SHTN1: variants seen among roughly 807,000 people sequenced by gnomAD.
SHTN1 encodes the protein shootin 1.
SHTN1 carries 42 observed loss-of-function variants against 83.1 expected under a neutral mutation model. That is an observed-to-expected ratio of 0.51 (90% CI 0.39 to 0.65). The LOEUF (loss-of-function observed/expected upper bound fraction) is 0.65, where lower values mean the gene tolerates loss of function less well. Among genes scored for constraint, SHTN1 ranks in the 30% least tolerant of loss-of-function variants. SHTN1 has a pLI of 0.00. For synonymous variants in SHTN1, 224 were observed against 247.7 expected, an observed-to-expected ratio of 0.90 and a Z score of 0.90; for missense variants, 622 against 737.8, an observed-to-expected ratio of 0.84 and a Z score of 1.82.
chr10:117,117,931 T>C (rs1003761540), intron 1 of SHTN1, among the ~76,000 whole-genome samples: 6 of 152,220 alleles, frequency 3.9e-5, no homozygotes, highest in Admixed American at 3.9e-4. Context: ...CCTGAAACTA[T>C]TAAACTACCA....
intron 1 of SHTN1, among the ~76,000 whole-genome samples, chr10:117,124,598 C>T (rs1353778648): frequency 1.3e-5 from 2 of 152,052 alleles, no homozygotes; most frequent in Non-Finnish European, 2.9e-5. Flanking sequence ...CGTGGTGAAA[C>T]CCCATCTCTA....
At chr10:116,977,238 CTTACA>C (rs985483515) in intron 2 of SHTN1, among the ~76,000 whole-genome samples, 1 of 152,180 alleles carries the variant, frequency 6.6e-6, no homozygotes, top group Non-Finnish European at 1.5e-5. Flanking sequence ...TCTACTTCCT[CTTACA>C]TTATTCATTT....
intron 12 of SHTN1, 61 bp downstream of exon 12, chr10:116,921,373 A>G: frequency 1.7e-6 from 2 of 1,184,642 alleles, no homozygotes; most frequent in Non-Finnish European, 2.5e-6. Flanking sequence ...CTTAACAAAT[A>G]TGTGAATTGC....
At chr10:116,954,899 A>T (rs1429029342) in intron 4 of SHTN1, among the ~76,000 whole-genome samples, 1 of 152,136 alleles carries the variant, frequency 6.6e-6, no homozygotes, top group Non-Finnish European at 1.5e-5. Context: ...GTGTAGAGAA[A>T]GGAAGAGAAA....
intron 1 of SHTN1, among the ~76,000 whole-genome samples, chr10:117,109,099 A>G (rs1853721711): frequency 6.6e-6 from 1 of 152,240 alleles, no homozygotes; most frequent in Non-Finnish European, 1.5e-5. Flanking sequence ...TCTACGTTAT[A>G]GCAACTTGTT....
chr10:117,072,769 G>A (rs1853102479), intron 1 of SHTN1, among the ~76,000 whole-genome samples: 1 of 152,100 alleles, frequency 6.6e-6, no homozygotes, highest in Non-Finnish European at 1.5e-5. Flanking sequence ...GAAGAAACCA[G>A]AAAACCAACT....
At chr10:116,902,972 T>C (rs1488023726) in intron 15 of SHTN1, among the ~76,000 whole-genome samples, 1 of 152,222 alleles carries the variant, frequency 6.6e-6, no homozygotes, top group African/African-American at 2.4e-5. Flanking sequence ...TTGGATTTAA[T>C]GTGCCTGATA....
chr10:116,906,569 TAGA>T (rs1365445814), intron 15 of SHTN1, 55 bp downstream of exon 15: 65 of 1,510,546 alleles, frequency 4.3e-5, no homozygotes, highest in Admixed American at 6.7e-5. Context: ...AAAAGAGACT[TAGA>T]AGAAGATGTT....
At chr10:117,036,985 A>G (rs1458094945) in intron 2 of SHTN1, among the ~76,000 whole-genome samples, 2 of 152,244 alleles carry the variant, frequency 1.3e-5, no homozygotes, top group Non-Finnish European at 1.5e-5. Flanking sequence ...TTGTTTGCAG[A>G]TGACATGATT....
At chr10:116,969,003 C>A (rs955771808) in intron 2 of SHTN1, among the ~76,000 whole-genome samples, 1 of 152,196 alleles carries the variant, frequency 6.6e-6, no homozygotes, top group African/African-American at 2.4e-5. Flanking sequence ...AAAATATATT[C>A]ATTCTTTAAG....
At chr10:117,097,994 T>C (rs759292674) in intron 1 of SHTN1, among the ~76,000 whole-genome samples, 29 of 151,760 alleles carry the variant, frequency 1.9e-4, no homozygotes, top group Admixed American at 3.3e-4. Context: ...GTGGAGTGGA[T>C]AGTCCCCAGA....
intron 2 of SHTN1, among the ~76,000 whole-genome samples, chr10:117,012,171 A>C (rs545321462): frequency 4.6e-5 from 7 of 151,704 alleles, no homozygotes; most frequent in Non-Finnish European, 8.8e-5. Flanking sequence ...AGGAAAAAAA[A>C]CCCTCAATAT....
At chr10:117,029,894 C>CT (rs34426369) in intron 2 of SHTN1, among the ~76,000 whole-genome samples, 5 of 113,372 alleles carry the variant, frequency 4.4e-5, no homozygotes, top group South Asian at 3.0e-4. Context: ...CTCTCTCTTT[C>CT]TTTTTTTTTT....
chr10:117,035,827 AT>A (rs754559425), intron 2 of SHTN1, among the ~76,000 whole-genome samples: 1 of 142,188 alleles, frequency 7.0e-6, no homozygotes, highest in Admixed American at 7.3e-5. Flanking sequence ...ATGCCTGTAA[AT>A]CCCAGCTACT....
chr10:116,970,747 A>T (rs1405152168), intron 2 of SHTN1, among the ~76,000 whole-genome samples: 1 of 151,826 alleles, frequency 6.6e-6, no homozygotes, highest in Admixed American at 6.6e-5. Context: ...ATGTTAAATG[A>T]GTTGCAGAAG....
At chr10:116,929,264 C>T (rs193059430) in intron 10 of SHTN1, among the ~76,000 whole-genome samples, 5 of 152,270 alleles carry the variant, frequency 3.3e-5, no homozygotes, top group South Asian at 2.1e-4. Flanking sequence ...TAATCTAACT[C>T]GCACATTCCC....
intron 1 of SHTN1, among the ~76,000 whole-genome samples, chr10:117,087,677 A>C (rs1853370121): frequency 6.6e-6 from 1 of 152,250 alleles, no homozygotes; most frequent in Non-Finnish European, 1.5e-5. Context: ...AATATGAGTC[A>C]AAACATAATG....
At chr10:117,043,490 G>T (rs1852616345) in intron 2 of SHTN1, among the ~76,000 whole-genome samples, 1 of 152,116 alleles carries the variant, frequency 6.6e-6, no homozygotes, top group Non-Finnish European at 1.5e-5. Flanking sequence ...TGATTAAAAT[G>T]GTAAACTTTG....
chr10:117,075,024 CTAAAA>C (rs747005372), intron 1 of SHTN1, among the ~76,000 whole-genome samples: 27 of 152,014 alleles, frequency 1.8e-4, no homozygotes, highest in East Asian at 7.7e-4. Flanking sequence ...TTTGCATTTC[CTAAAA>C]TAAAACAATA....
Sources: allele counts gnomAD v4.1 joint callset (sites outside exome capture counted in the v4.1 genomes callset), GRCh38; gene constraint gnomAD v4.1.1; transcripts MANE v1.5; gene names NCBI Gene and HGNC (gene_info 2026-07-23, HGNC 2026-07-21).